Variants in ARRB1 observed in about 807,000 individuals in gnomAD.
The protein encoded by ARRB1 is arrestin beta 1.
Under a neutral mutation model 56.8 loss-of-function variants are expected in ARRB1, and 21 were observed. That is an observed-to-expected ratio of 0.37 (90% CI 0.26 to 0.53). ARRB1 has a LOEUF of 0.53. Ranked by LOEUF, ARRB1 falls within the 20% of genes least tolerant of loss-of-function variation. The pLI, the probability that ARRB1 is intolerant of heterozygous loss-of-function variation, is 0.88. For missense variants in ARRB1, 424 were observed against 553.7 expected, an observed-to-expected ratio of 0.77 and a Z score of 2.35; for synonymous variants, 210 against 218.6, an observed-to-expected ratio of 0.96 and a Z score of 0.35.
Position 75,278,750 on chromosome 11 carries a change from G to A in ARRB1, c.483-6C>T. The A allele has an allele frequency of 1.2e-6, 2 of 1,601,576 alleles. No homozygotes were observed. Among genetic ancestry groups the A allele is most frequent in the Non-Finnish European group, 1.7e-6 (2 of 1,171,904 alleles). On this transcript the variant is annotated splice_polypyrimidine_tract_variant and splice_region_variant and intron_variant, in intron 7 of 15. Transcript: ENST00000420843. ...TGACCAGACGCACAGAATTCCTAAT[G>A]GAGATGGGCGGAGTGAAAGAGGACC...
intron 1 of ARRB1, among the ~76,000 whole-genome samples, chr11:75,335,482 G>A (rs1165138639): frequency 6.6e-6 from 1 of 152,138 alleles, no homozygotes; most frequent in Admixed American, 6.5e-5. Flanking sequence ...CTACTCAGGA[G>A]GCTGAGGAGG....
intron 4 of ARRB1, 113 bp from the exon 5 acceptor site, chr11:75,283,596 A>T: frequency 9.4e-7 from 1 of 1,066,322 alleles, no homozygotes; most frequent in Non-Finnish European, 1.3e-6. Context: ...AGCCTGTCCC[A>T]AGCTCTGTGG....
intron 1 of ARRB1, among the ~76,000 whole-genome samples, chr11:75,309,495 T>C (rs1179498336): frequency 6.6e-6 from 1 of 152,202 alleles, no homozygotes; most frequent in Non-Finnish European, 1.5e-5. Context: ...AATGAGGCCC[T>C]GGCACAGAGT....
At position 75,262,750 on chromosome 11, in the gene ARRB1, T is replaced by A. The variant is rs1452138749; in HGVS notation, c.*3413A>T. Among the ~76,000 whole-genome samples, 1 of 152,180 alleles carries A rather than the reference T, an allele frequency of 6.6e-6. No homozygotes were observed. Among genetic ancestry groups the A allele is most frequent in the African/African-American group, 2.4e-5 (1 of 41,440 alleles). ...TTGCCCAAGCCCCCCAGGTGGTTGG[T>A]GACAGGCAGGACTGAGAGGCGGCAT... On this transcript the variant is annotated 3_prime_UTR_variant, in exon 16 of 16. Coordinates refer to ENST00000420843, the MANE Select transcript of ARRB1 (RefSeq NM_004041.5).
intron 1 of ARRB1, among the ~76,000 whole-genome samples, chr11:75,337,198 C>A (rs1242915697): frequency 6.6e-6 from 1 of 152,106 alleles, no homozygotes; most frequent in Non-Finnish European, 1.5e-5. Flanking sequence ...CACCTATAAT[C>A]CCAACACTAT....
intron 1 of ARRB1, among the ~76,000 whole-genome samples, chr11:75,347,422 G>A (rs1028145044): frequency 6.6e-6 from 1 of 152,130 alleles, no homozygotes; most frequent in African/African-American, 2.4e-5. Context: ...TGAAAAAAGA[G>A]GAGTTCATCT....
intron 1 of ARRB1, among the ~76,000 whole-genome samples, chr11:75,294,343 G>A (rs1946675863): frequency 6.6e-6 from 1 of 152,036 alleles, no homozygotes; most frequent in Non-Finnish European, 1.5e-5. Flanking sequence ...GATCACTTGA[G>A]GTCAGGAGTT....
At chr11:75,341,757 C>A (rs1372801456) in intron 1 of ARRB1, among the ~76,000 whole-genome samples, 2 of 152,198 alleles carry the variant, frequency 1.3e-5, no homozygotes, top group African/African-American at 4.8e-5. Context: ...TCGCTGAGGA[C>A]TAGTTTGGGA....
At chr11:75,327,598 T>G (rs1947461240) in intron 1 of ARRB1, among the ~76,000 whole-genome samples, 2 of 88,414 alleles carry the variant, frequency 2.3e-5, no homozygotes, top group South Asian at 5.4e-4. Flanking sequence ...TTTTTGTTTT[T>G]GTTTTTTTTT....
intron 12 of ARRB1, 139 bp from the exon 13 acceptor site, chr11:75,271,863 G>T: frequency 3.4e-6 from 3 of 891,580 alleles, no homozygotes; most frequent in Non-Finnish European, 3.4e-6. Flanking sequence ...CCACCCCCCT[G>T]CACAGCCCTG....
chr11:75,281,192 C>T, intron 6 of ARRB1, 50 bp from the exon 7 acceptor site: 2 of 1,523,340 alleles, frequency 1.3e-6, no homozygotes, highest in Non-Finnish European at 1.8e-6. Context: ...GCAGGGTCCC[C>T]AGTACACAGC....
chr11:75,310,084 C>T (rs1021479679), intron 1 of ARRB1, among the ~76,000 whole-genome samples: 5 of 152,166 alleles, frequency 3.3e-5, no homozygotes, highest in African/African-American at 1.2e-4. Context: ...AACCTAGAAG[C>T]TCAAGCCATC....
At position 75,265,993 on chromosome 11, in the gene ARRB1, G is replaced by A; in HGVS notation, c.*170C>T. The A allele has an allele frequency of 1.6e-6, 1 of 615,508 alleles. No homozygotes were observed. The highest frequency in any genetic ancestry group is 2.9e-6 in the Non-Finnish European group (1 of 343,456). The allele number at this position is 615,508 out of a possible 1,614,324, so 38.1% of individuals were successfully genotyped here. A position where few individuals can be genotyped will look rare whatever the true frequency, so the allele number is the denominator to read the frequency against. Reference sequence around the variant, plus strand: ...GTGGTCCTGTTGGCGTGGTGATGTGGGGCCAATCCTGAGGCCAGAGGTTCA... The same window carrying A: ...GTGGTCCTGTTGGCGTGGTGATGTGAGGCCAATCCTGAGGCCAGAGGTTCA... On this transcript the variant is annotated 3_prime_UTR_variant, in exon 16 of 16. Coordinates refer to ENST00000420843, the MANE Select transcript of ARRB1 (RefSeq NM_004041.5).
intron 1 of ARRB1, among the ~76,000 whole-genome samples, chr11:75,307,997 C>G (rs1002930570): frequency 1.3e-5 from 2 of 152,262 alleles, no homozygotes; most frequent in South Asian, 2.1e-4. Flanking sequence ...CATCATCAAA[C>G]TTTATCAGCA....
chr11:75,338,715 G>A (rs760517419), intron 1 of ARRB1, among the ~76,000 whole-genome samples: 10 of 152,166 alleles, frequency 6.6e-5, no homozygotes, highest in South Asian at 2.1e-4. Flanking sequence ...AACAGTCAGC[G>A]CAGGGAGAAA....
chr11:75,324,192 T>C (rs1194042247), intron 1 of ARRB1, among the ~76,000 whole-genome samples: 1 of 152,204 alleles, frequency 6.6e-6, no homozygotes, highest in African/African-American at 2.4e-5. Context: ...CTGTTAGTTC[T>C]TTCAAGCCCT....
At chr11:75,317,779 C>A (rs1273584248) in intron 1 of ARRB1, among the ~76,000 whole-genome samples, 1 of 152,186 alleles carries the variant, frequency 6.6e-6, no homozygotes, top group Non-Finnish European at 1.5e-5. Context: ...CATCAGTGCT[C>A]CAGCAGAGTG....
At chr11:75,317,066 C>T (rs1414290450) in intron 1 of ARRB1, among the ~76,000 whole-genome samples, 1 of 152,154 alleles carries the variant, frequency 6.6e-6, no homozygotes, top group Non-Finnish European at 1.5e-5. Context: ...GAGACTCCGT[C>T]TCAAAATAAT....
chr11:75,276,715 G>C, intron 10 of ARRB1, 124 bp downstream of exon 10: 1 of 847,080 alleles, frequency 1.2e-6, no homozygotes, highest in Non-Finnish European at 1.9e-6. Context: ...GAGTGGCAAG[G>C]AAGTCTGAGG....
Sources: gnomAD v4.1 joint callset for allele counts (sites outside exome capture counted in the v4.1 genomes callset) on GRCh38, gnomAD v4.1.1 for gene constraint, MANE v1.5 for transcripts, NCBI Gene and HGNC (gene_info 2026-07-23, HGNC 2026-07-21) for gene names.